RAPGEF1: variants seen among roughly 807,000 people sequenced by gnomAD.
RAPGEF1 encodes Rap guanine nucleotide exchange factor 1.
A neutral mutation model predicts 143.3 loss-of-function variants in RAPGEF1; 33 were observed. The ratio of observed to expected loss-of-function variants is 0.23; its 90% CI spans 0.17 to 0.31. The LOEUF (loss-of-function observed/expected upper bound fraction) is 0.31, where lower values mean the gene tolerates loss of function less well. Ranked by LOEUF, RAPGEF1 falls within the 10% of genes least tolerant of loss-of-function variation. RAPGEF1 has a pLI of 1.00. For missense variants in RAPGEF1, 1,199 were observed against 1,645.4 expected, an observed-to-expected ratio of 0.73 and a Z score of 4.69; for synonymous variants, 629 against 676.5, an observed-to-expected ratio of 0.93 and a Z score of 1.09.
intron 1 of RAPGEF1, among the ~76,000 whole-genome samples, chr9:131,671,103 G>C (rs1409646011): frequency 6.6e-6 from 1 of 152,180 alleles, no homozygotes; most frequent in Non-Finnish European, 1.5e-5. Flanking sequence ...AAAACCAGGG[G>C]CAACCCAACT....
intron 1 of RAPGEF1, among the ~76,000 whole-genome samples, chr9:131,733,228 G>A (rs1217634200): frequency 6.6e-6 from 1 of 152,088 alleles, no homozygotes; most frequent in Non-Finnish European, 1.5e-5. Flanking sequence ...CTGCAGTCAC[G>A]CATGCGGGGC....
intron 9 of RAPGEF1, among the ~76,000 whole-genome samples, chr9:131,627,032 T>G (rs1963345206): frequency 6.6e-6 from 1 of 151,440 alleles, no homozygotes; most frequent in African/African-American, 2.4e-5. Flanking sequence ...GTCAACATGG[T>G]GAAATCCCGT....
In RAPGEF1 at chr9:131,739,536, G is replaced by A. The variant is rs1212234897; in HGVS notation, c.61+234C>T. 2.0e-5 allele frequency among the ~76,000 whole-genome samples: 3 copies of A among 151,072 alleles called. No homozygotes were observed. The East Asian group carries it at 5.9e-4, about 30-fold the overall frequency. ...AGCGCGCCCGGCCCCGGGTTGCAGG[G>A]GCCCCGCCCGGCCCGGCCCCTGGCG... On this transcript the variant is annotated intron_variant, in intron 1 of 26. Transcript: ENST00000683357.
chr9:131,580,456 A>G (rs1951694495), intron 25 of RAPGEF1, 65 bp from the exon 26 acceptor site: 3 of 1,558,594 alleles, frequency 1.9e-6, no homozygotes, highest in East Asian at 2.3e-5. Context: ...GGCTAGAGAC[A>G]TGTGTCAGGC....
intron 1 of RAPGEF1, among the ~76,000 whole-genome samples, chr9:131,684,157 CAGG>C (rs1314704062): frequency 1.3e-5 from 2 of 152,240 alleles, no homozygotes; most frequent in African/African-American, 2.4e-5. Context: ...TCATCTTTTA[CAGG>C]AGGAGTTAAC....
At chr9:131,725,905 C>T (rs997993313) in intron 1 of RAPGEF1, among the ~76,000 whole-genome samples, 2 of 151,798 alleles carry the variant, frequency 1.3e-5, no homozygotes, top group Non-Finnish European at 2.9e-5. Context: ...ACTACAGGCG[C>T]GTGCCACCAT....
chr9:131,615,462 G>A lies in RAPGEF1; in HGVS notation c.2061+3589C>T, dbSNP rs557307027. Among the ~76,000 whole-genome samples, 22 of 152,292 alleles carry A rather than the reference G, an allele frequency of 1.4e-4. No individual in the cohort carries two copies. In the South Asian group the frequency reaches 1.9e-3, roughly 13 times the overall value. ...GTTACTGAGAGATTCTGCATCTCTC[G>A]GTCTGAAGCCTGTGCAGGGGACGGT... On this transcript the variant is annotated intron_variant, in intron 12 of 26. Transcript: ENST00000683357.
chr9:131,711,792 T>C (rs1235866763), intron 1 of RAPGEF1, among the ~76,000 whole-genome samples: 1 of 152,178 alleles, frequency 6.6e-6, no homozygotes, highest in Non-Finnish European at 1.5e-5. Context: ...GGAGCAAGTA[T>C]AGAACCGGAG....
At chr9:131,661,764 G>C (rs1974162860) in intron 1 of RAPGEF1, among the ~76,000 whole-genome samples, 1 of 152,174 alleles carries the variant, frequency 6.6e-6, no homozygotes, top group Non-Finnish European at 1.5e-5. Flanking sequence ...ATTCCAGAAT[G>C]AGTATCTTCC....
intron 1 of RAPGEF1, chr9:131,737,514 A>C: frequency 6.2e-7 from 1 of 1,612,738 alleles, no homozygotes; most frequent in South Asian, 1.1e-5. Context: ...ACAACCCCCT[A>C]GCAGAAGGCG....
chr9:131,689,239 T>C (rs1048533564), intron 1 of RAPGEF1, among the ~76,000 whole-genome samples: 1 of 152,320 alleles, frequency 6.6e-6, no homozygotes, highest in Middle Eastern at 3.4e-3. Flanking sequence ...TGTAAGATGA[T>C]GGGGCAGAGG....
At chr9:131,665,960 C>A (rs57745524) in intron 1 of RAPGEF1, among the ~76,000 whole-genome samples, 2,780 of 152,298 alleles carry the variant, frequency 0.018, 78 homozygotes, top group African/African-American at 0.064. Flanking sequence ...ATGAGAGAAT[C>A]AAATCTCATT....
intron 1 of RAPGEF1, among the ~76,000 whole-genome samples, chr9:131,681,205 C>A (rs919170012): frequency 1.1e-4 from 16 of 152,016 alleles, no homozygotes; most frequent in African/African-American, 3.6e-4. Context: ...CCCTCTGCAC[C>A]CCCTCATTAT....
chr9:131,622,797 C>A (rs1028667730), intron 10 of RAPGEF1, among the ~76,000 whole-genome samples: 2 of 148,720 alleles, frequency 1.3e-5, no homozygotes, highest in Non-Finnish European at 3.0e-5. Context: ...GACAGAGTTT[C>A]GCTCTTGTTG....
intron 1 of RAPGEF1, among the ~76,000 whole-genome samples, chr9:131,656,781 T>C (rs1383030599): frequency 6.6e-6 from 1 of 152,208 alleles, no homozygotes; most frequent in African/African-American, 2.4e-5. Flanking sequence ...TAAGGGCACT[T>C]CTGCCTATGA....
At chr9:131,594,532 C>T (rs939406624) in intron 17 of RAPGEF1, among the ~76,000 whole-genome samples, 3 of 152,226 alleles carry the variant, frequency 2.0e-5, no homozygotes, top group Non-Finnish European at 4.4e-5. Flanking sequence ...GCCTGAGCCA[C>T]GGGGCTCCCA....
chr9:131,633,985 G>A (rs1296228289), intron 5 of RAPGEF1, among the ~76,000 whole-genome samples: 1 of 152,228 alleles, frequency 6.6e-6, no homozygotes, highest in African/African-American at 2.4e-5. Context: ...AAAAAGGCCA[G>A]ACGTGGTTGC....
At chr9:131,670,708 T>G (rs1176181731) in intron 1 of RAPGEF1, among the ~76,000 whole-genome samples, 2 of 152,226 alleles carry the variant, frequency 1.3e-5, no homozygotes, top group African/African-American at 2.4e-5. Flanking sequence ...AGTTATACAC[T>G]GGCTCTCTCG....
chr9:131,629,507 C>T (rs1363406693), intron 6 of RAPGEF1, among the ~76,000 whole-genome samples: 25 of 152,064 alleles, frequency 1.6e-4, no homozygotes, highest in Admixed American at 1.6e-3. Context: ...TAAAATGCTC[C>T]AGGCCGGGCG....
Sources: allele counts gnomAD v4.1 joint callset (sites outside exome capture counted in the v4.1 genomes callset), GRCh38; gene constraint gnomAD v4.1.1; transcripts MANE v1.5; gene names NCBI Gene and HGNC (gene_info 2026-07-23, HGNC 2026-07-21).